The following BAZ1A variants were observed in gnomAD, a reference collection of about 807,000 sequenced individuals.
BAZ1A encodes bromodomain adjacent to zinc finger domain protein 1A.
In BAZ1A, 50 loss-of-function variants were observed where a neutral mutation model predicts 185.2. The observed-to-expected ratio is 0.27, with a 90% CI of 0.22 to 0.34. The LOEUF (loss-of-function observed/expected upper bound fraction) is 0.34, where lower values mean the gene tolerates loss of function less well. Ranked by LOEUF, BAZ1A falls within the 10% of genes least tolerant of loss-of-function variation. BAZ1A has a pLI of 1.00. For missense variants in BAZ1A, 1,356 were observed against 1,839.9 expected, an observed-to-expected ratio of 0.74 and a Z score of 4.81; for synonymous variants, 571 against 615.6, an observed-to-expected ratio of 0.93 and a Z score of 1.07.
chr14:34,808,453 G>A (rs961146364), intron 5 of BAZ1A, among the ~76,000 whole-genome samples: 2 of 152,084 alleles, frequency 1.3e-5, no homozygotes, highest in African/African-American at 2.4e-5. Context: ...AGCCGAGATC[G>A]TGCTGCTGCA....
At chr14:34,809,281 C>T (rs2041894677) in intron 5 of BAZ1A, among the ~76,000 whole-genome samples, 1 of 152,152 alleles carries the variant, frequency 6.6e-6, no homozygotes, top group African/African-American at 2.4e-5. Context: ...TCTCTGCAAG[C>T]TGGTAAAGAG....
chr14:34,868,800 CAAAA>C (rs905782370), intron 2 of BAZ1A, among the ~76,000 whole-genome samples: 3 of 144,830 alleles, frequency 2.1e-5, no homozygotes, highest in African/African-American at 7.7e-5. Flanking sequence ...GACTCCGTCT[CAAAA>C]AAAAACAGAA....
intron 5 of BAZ1A, among the ~76,000 whole-genome samples, chr14:34,810,023 C>A (rs886498379): frequency 1.3e-5 from 2 of 152,214 alleles, no homozygotes; most frequent in South Asian, 4.1e-4. Context: ...ACCAACCAAC[C>A]AACAAACCAC....
intron 4 of BAZ1A, 43 bp from the exon 5 acceptor site, chr14:34,811,079 G>A (rs779074329): frequency 3.0e-6 from 4 of 1,334,798 alleles, no homozygotes; most frequent in South Asian, 2.6e-5. Context: ...TAATAATTTG[G>A]AAAATGAAAT....
chr14:34,800,239 T>C lies in BAZ1A; in HGVS notation c.1113A>G (p.Lys371=), dbSNP rs1461716835. Residue 371 remains lysine, a synonymous_variant, in exon 9 of 27, where the codon AAA becomes AAG. Coordinates refer to ENST00000360310, the MANE Select transcript of BAZ1A (RefSeq NM_013448.3). ...AAATGAATACCTTTTCTCTTTCTAC[T>C]TTAAGCCTCTCTTTTTCTTCTTTTT... ...LKKKEEKERL[K]VEREKEREKL... The C allele has an allele frequency of 1.4e-6, 2 of 1,416,638 alleles. No individual in the cohort carries two copies. The highest frequency in any genetic ancestry group is 1.9e-6 in the Non-Finnish European group (2 of 1,043,478). 87.8% of individuals were successfully genotyped at this position (1,416,638 alleles called of 1,614,324 possible).
At chr14:34,821,855 A>C (rs559211148) in intron 4 of BAZ1A, among the ~76,000 whole-genome samples, 1 of 152,050 alleles carries the variant, frequency 6.6e-6, no homozygotes, top group East Asian at 1.9e-4. Flanking sequence ...GTGGTGGTGC[A>C]TGCCTGTAAT....
At chr14:34,823,353 C>G (rs74606763) in intron 4 of BAZ1A, among the ~76,000 whole-genome samples, 1 of 125,404 alleles carries the variant, frequency 8.0e-6, no homozygotes. Context: ...GACTCTGTCT[C>G]AAAAAAAAAA....
chr14:34,869,514 GGAAGA>G (rs1398647007), intron 2 of BAZ1A, among the ~76,000 whole-genome samples: 4 of 150,110 alleles, frequency 2.7e-5, no homozygotes, highest in Non-Finnish European at 4.4e-5. Flanking sequence ...AGAAATTCTA[GGAAGA>G]AAGAGTTTTT....
chr14:34,753,427 T>C lies in BAZ1A; in HGVS notation c.*81A>G, dbSNP rs778161937. Reference sequence around the variant, plus strand: ...CTTTCATGTGGTCAATCAATTGTTATTGCTTTATACAGCATGATTTAATGT... The same window carrying C: ...CTTTCATGTGGTCAATCAATTGTTACTGCTTTATACAGCATGATTTAATGT... On this transcript the variant is annotated 3_prime_UTR_variant, in exon 27 of 27. Coordinates refer to ENST00000360310, the MANE Select transcript of BAZ1A (RefSeq NM_013448.3). 1.6e-5 allele frequency: 19 copies of C among 1,214,564 alleles called. No homozygotes were observed. The highest frequency in any genetic ancestry group is 2.9e-5 in the African/African-American group (2 of 67,862). The allele number at this position is 1,214,564 out of a possible 1,614,324, so 75.2% of individuals were successfully genotyped here. A position where few individuals can be genotyped will look rare whatever the true frequency, so the allele number is the denominator to read the frequency against.
chr14:34,772,333 T>C (rs1566551871), intron 20 of BAZ1A, among the ~76,000 whole-genome samples: 2 of 152,224 alleles, frequency 1.3e-5, no homozygotes, highest in South Asian at 2.1e-4. Flanking sequence ...CCTATTTTTC[T>C]CAACTTTAGG....
At chr14:34,762,293 CTTG>C in intron 23 of BAZ1A, 70 bp from the exon 24 acceptor site, 2 of 1,421,362 alleles carry the variant, frequency 1.4e-6, no homozygotes, top group Non-Finnish European at 1.9e-6. Flanking sequence ...CTCTATTCTC[CTTG>C]TTGTATTTAG....
intron 23 of BAZ1A, among the ~76,000 whole-genome samples, 176 bp downstream of exon 23, chr14:34,764,531 A>G (rs988720259): frequency 6.6e-6 from 1 of 151,996 alleles, no homozygotes; most frequent in Non-Finnish European, 1.5e-5. Flanking sequence ...ACCTCAGGTG[A>G]TCTGCCTGCC....
At chr14:34,833,521 C>T (rs1205331017) in intron 3 of BAZ1A, among the ~76,000 whole-genome samples, 1 of 151,980 alleles carries the variant, frequency 6.6e-6, no homozygotes, top group East Asian at 1.9e-4. Flanking sequence ...GAGCGAGACT[C>T]CATCTCACAA....
At chr14:34,838,151 C>T (rs2042356991) in intron 3 of BAZ1A, among the ~76,000 whole-genome samples, 1 of 152,196 alleles carries the variant, frequency 6.6e-6, no homozygotes, top group Admixed American at 6.5e-5. Flanking sequence ...TCATTTTACA[C>T]AAGACAAAAA....
At chr14:34,778,927 G>T (rs899474848) in intron 17 of BAZ1A, among the ~76,000 whole-genome samples, 1 of 152,058 alleles carries the variant, frequency 6.6e-6, no homozygotes, top group African/African-American at 2.4e-5. Flanking sequence ...CAATCAGGGC[G>T]CACTGCAGCC....
At chr14:34,847,897 T>C (rs914716754) in intron 3 of BAZ1A, among the ~76,000 whole-genome samples, 1 of 152,204 alleles carries the variant, frequency 6.6e-6, no homozygotes, top group Non-Finnish European at 1.5e-5. Context: ...TCTCGCTCTG[T>C]CACCCAGGCT....
chr14:34,857,902 C>G (rs2042707475), intron 3 of BAZ1A, among the ~76,000 whole-genome samples: 1 of 152,186 alleles, frequency 6.6e-6, no homozygotes, highest in African/African-American at 2.4e-5. Flanking sequence ...CACCCTAGCT[C>G]AAGTGCCAAC....
rs2042327157 is a variant in BAZ1A, at chr14:34,836,172, G to A, written c.393-10016C>T. Among the ~76,000 whole-genome samples the A allele has an allele frequency of 7.2e-5, 2 of 27,618 alleles. 1 individual carries two copies. The highest frequency in any genetic ancestry group is 8.6e-4 in the Admixed American group (2 of 2,324). The allele number at this position is 27,618 out of a possible 152,430, so 18.1% of individuals were successfully genotyped here. A position where few individuals can be genotyped will look rare whatever the true frequency, so the allele number is the denominator to read the frequency against. On this transcript the variant is annotated intron_variant, in intron 3 of 26. Transcript: ENST00000360310. The stretch of plus-strand genomic sequence containing the variant: ...AGGCGGGCGGATCACGAGGTCAGGA[G>A]ATCGAGACCATCCTGGCTAACACGG...
intron 11 of BAZ1A, among the ~76,000 whole-genome samples, chr14:34,793,338 C>T (rs1880971713): frequency 6.6e-6 from 1 of 152,112 alleles, no homozygotes; most frequent in Non-Finnish European, 1.5e-5. Flanking sequence ...GGTTTTAATC[C>T]TAATATTATG....
Sources: gnomAD v4.1 joint callset for allele counts (sites outside exome capture counted in the v4.1 genomes callset) on GRCh38, gnomAD v4.1.1 for gene constraint, MANE v1.5 for transcripts, NCBI Gene and HGNC (gene_info 2026-07-23, HGNC 2026-07-21) for gene names.